The following LNX1 variants were observed in gnomAD, a reference collection of about 807,000 sequenced individuals.
The protein encoded by LNX1 is ligand of numb-protein X 1.
LNX1 carries 54 observed loss-of-function variants against 68.4 expected under a neutral mutation model. That is an observed-to-expected ratio of 0.79 (90% CI 0.63 to 0.99). LNX1 has a LOEUF of 0.99. Among genes scored for constraint, LNX1 ranks in the 50% least tolerant of loss-of-function variants. The pLI, the probability that LNX1 is intolerant of heterozygous loss-of-function variation, is 0.00. For synonymous variants in LNX1, 336 were observed against 350.0 expected (o/e 0.96, Z 0.45); for missense variants, 906 against 926.4 (o/e 0.98, Z 0.29).
chr4:53,650,272 C>T (rs1181637671), intron 1 of LNX1, among the ~76,000 whole-genome samples: 2 of 152,110 alleles, frequency 1.3e-5, no homozygotes, highest in African/African-American at 4.8e-5. Flanking sequence ...GGCACCTGTG[C>T]GGGGTGTGGA....
intron 2 of LNX1, among the ~76,000 whole-genome samples, chr4:53,536,528 C>T (rs1270431785): frequency 1.3e-5 from 2 of 152,136 alleles, no homozygotes; most frequent in East Asian, 1.9e-4. Flanking sequence ...TCTACAAAAG[C>T]ACATTACAAA....
At chr4:53,518,438 G>A (rs561320069) in intron 2 of LNX1, among the ~76,000 whole-genome samples, 14 of 152,184 alleles carry the variant, frequency 9.2e-5, no homozygotes, top group Non-Finnish European at 1.6e-4. Context: ...GGTTTACAGA[G>A]TTAGTGTCTG....
At chr4:53,554,639 G>T (rs1729763876) in intron 2 of LNX1, among the ~76,000 whole-genome samples, 1 of 152,180 alleles carries the variant, frequency 6.6e-6, no homozygotes, top group Non-Finnish European at 1.5e-5. Context: ...GGATCACAAG[G>T]TCAGGAGTTC....
chr4:53,545,704 G>A (rs1359442307), intron 2 of LNX1, among the ~76,000 whole-genome samples: 1 of 151,914 alleles, frequency 6.6e-6, no homozygotes, highest in Non-Finnish European at 1.5e-5. Flanking sequence ...ATTAAAACCT[G>A]ATTTAAGGAT....
intron 1 of LNX1, among the ~76,000 whole-genome samples, chr4:53,629,258 C>T (rs549284177): frequency 2.0e-5 from 3 of 152,236 alleles, no homozygotes; most frequent in African/African-American, 2.4e-5. Context: ...CTAAAGGTCC[C>T]TCCTCCCTGT....
intron 9 of LNX1, among the ~76,000 whole-genome samples, chr4:53,469,622 G>A (rs1392701757): frequency 6.6e-6 from 1 of 151,778 alleles, no homozygotes; most frequent in East Asian, 1.9e-4. Context: ...AAAGAGAGAA[G>A]AATCAAATAG....
intron 1 of LNX1, among the ~76,000 whole-genome samples, chr4:53,587,671 A>AG (rs939437195): frequency 7.9e-5 from 12 of 152,148 alleles, no homozygotes; most frequent in African/African-American, 2.7e-4. Context: ...GGAAAAAAAA[A>AG]GTAGTCAAGA....
At chr4:53,521,799 A>G (rs1332666117) in intron 2 of LNX1, among the ~76,000 whole-genome samples, 1 of 152,078 alleles carries the variant, frequency 6.6e-6, no homozygotes, top group African/African-American at 2.4e-5. Flanking sequence ...CCCTTGGGCC[A>G]GGCTTACTCT....
At chr4:53,545,349 C>G (rs1184430351) in intron 2 of LNX1, among the ~76,000 whole-genome samples, 3 of 152,204 alleles carry the variant, frequency 2.0e-5, no homozygotes, top group African/African-American at 7.2e-5. Flanking sequence ...TCTCAGCCCC[C>G]CAACCTGGCC....
chr4:53,530,627 T>C (rs1347358675), intron 2 of LNX1, among the ~76,000 whole-genome samples: 1 of 152,232 alleles, frequency 6.6e-6, no homozygotes, highest in Non-Finnish European at 1.5e-5. Flanking sequence ...TCAGTAATTT[T>C]ACATCTAAGA....
chr4:53,507,842 C>T (rs1311846125), intron 3 of LNX1, 144 bp downstream of exon 3: 5 of 1,075,516 alleles, frequency 4.6e-6, no homozygotes, highest in Non-Finnish European at 6.6e-6. Context: ...TTCACTTTGG[C>T]GAATTGGACA....
At chr4:53,598,175 A>G (rs1732839604) in intron 2 of LNX1, among the ~76,000 whole-genome samples, 1 of 151,782 alleles carries the variant, frequency 6.6e-6, no homozygotes, top group Non-Finnish European at 1.5e-5. Flanking sequence ...CTAAGCAGAT[A>G]TTGATGCCTG....
At chr4:53,509,015 T>C (rs1185559078) in intron 2 of LNX1, among the ~76,000 whole-genome samples, 1 of 152,168 alleles carries the variant, frequency 6.6e-6, no homozygotes, top group Non-Finnish European at 1.5e-5. Context: ...TAGAAAGAAG[T>C]TGAAAAAGAA....
intron 2 of LNX1, among the ~76,000 whole-genome samples, chr4:53,534,100 C>G (rs989649221): frequency 6.6e-6 from 1 of 152,194 alleles, no homozygotes; most frequent in Non-Finnish European, 1.5e-5. Flanking sequence ...ATAATAGGAC[C>G]TATCAGAAAG....
intron 1 of LNX1, among the ~76,000 whole-genome samples, chr4:53,627,283 C>T (rs764278245): frequency 5.3e-5 from 8 of 152,174 alleles, no homozygotes; most frequent in South Asian, 4.1e-4. Context: ...TCTCTTTTCA[C>T]GGCCTTTGAA....
At chr4:53,624,221 T>G (rs1265856047) in intron 1 of LNX1, among the ~76,000 whole-genome samples, 1 of 152,208 alleles carries the variant, frequency 6.6e-6, no homozygotes, top group Non-Finnish European at 1.5e-5. Context: ...TCTTATGTGA[T>G]TTGGCTGTGT....
chr4:53,480,666 G>C (rs1426037473), intron 7 of LNX1, among the ~76,000 whole-genome samples: 1 of 152,104 alleles, frequency 6.6e-6, no homozygotes, highest in Non-Finnish European at 1.5e-5. Flanking sequence ...GATTTATGAG[G>C]CTTGGCTGGC....
intron 2 of LNX1, among the ~76,000 whole-genome samples, chr4:53,567,474 T>C (rs1336762813): frequency 2.6e-5 from 4 of 152,074 alleles, no homozygotes; most frequent in African/African-American, 9.7e-5. Flanking sequence ...CATACCAGAA[T>C]CTCTGGGACG....
At chr4:53,513,423 T>A (rs1453301613) in intron 2 of LNX1, among the ~76,000 whole-genome samples, 1 of 152,102 alleles carries the variant, frequency 6.6e-6, no homozygotes, top group African/African-American at 2.4e-5. Flanking sequence ...GTGGGTTCCA[T>A]GCTTTCTCCC....
Sources: gnomAD v4.1 joint callset for allele counts (sites outside exome capture counted in the v4.1 genomes callset) on GRCh38, gnomAD v4.1.1 for gene constraint, MANE v1.5 for transcripts, NCBI Gene and HGNC (gene_info 2026-07-23, HGNC 2026-07-21) for gene names.